The following RAP1GDS1 variants were observed in gnomAD, a reference collection of about 807,000 sequenced individuals.
RAP1GDS1 encodes the protein RAP1, GTP-GDP dissociation stimulator 1.
Under a neutral mutation model 71.1 loss-of-function variants are expected in RAP1GDS1, and 35 were observed. The ratio of observed to expected loss-of-function variants is 0.49; its 90% CI spans 0.38 to 0.65. RAP1GDS1 has a LOEUF of 0.65. Ranked by LOEUF, RAP1GDS1 falls within the 30% of genes least tolerant of loss-of-function variation. The pLI is 0.00. For missense variants in RAP1GDS1, 663 were observed against 706.1 expected, an observed-to-expected ratio of 0.94 and a Z score of 0.69; for synonymous variants, 229 against 243.1, an observed-to-expected ratio of 0.94 and a Z score of 0.54.
chr4:98,436,772 T>C (rs913728320), intron 13 of RAP1GDS1, among the ~76,000 whole-genome samples, 168 bp from the exon 14 acceptor site: 3 of 152,242 alleles, frequency 2.0e-5, no homozygotes, highest in Admixed American at 1.3e-4. Context: ...AATCTAATTC[T>C]ATTTACTCTT....
At chr4:98,427,017 C>G (rs1749713383) in intron 12 of RAP1GDS1, among the ~76,000 whole-genome samples, 1 of 152,136 alleles carries the variant, frequency 6.6e-6, no homozygotes, top group Admixed American at 6.5e-5. Context: ...GAAGATAACT[C>G]ACCATGATCA....
intron 12 of RAP1GDS1, among the ~76,000 whole-genome samples, chr4:98,424,918 G>A (rs1200309493): frequency 1.3e-5 from 2 of 152,186 alleles, no homozygotes; most frequent in African/African-American, 2.4e-5. Flanking sequence ...AAAGATCATT[G>A]CCTAGGCATA....
At chr4:98,369,600 A>C (rs1010174623) in intron 4 of RAP1GDS1, among the ~76,000 whole-genome samples, 20 of 152,250 alleles carry the variant, frequency 1.3e-4, no homozygotes, top group African/African-American at 4.8e-4. Flanking sequence ...AAATAGACAC[A>C]TAAAAGAATA....
intron 1 of RAP1GDS1, among the ~76,000 whole-genome samples, chr4:98,262,785 T>C (rs1722209618): frequency 6.6e-6 from 1 of 152,198 alleles, no homozygotes; most frequent in South Asian, 2.1e-4. Flanking sequence ...CTTCAAGAAG[T>C]ATCTAAACCT....
At chr4:98,388,063 G>A (rs1296521811) in intron 5 of RAP1GDS1, among the ~76,000 whole-genome samples, 1 of 152,120 alleles carries the variant, frequency 6.6e-6, no homozygotes, top group African/African-American at 2.4e-5. Context: ...TAAAAAAGAT[G>A]ATCAAATGAA....
At chr4:98,266,723 A>G (rs2034677) in intron 1 of RAP1GDS1, among the ~76,000 whole-genome samples, 64,211 of 152,018 alleles carry the variant, frequency 0.42, 16,749 homozygotes, top group African/African-American at 0.74. Flanking sequence ...TATGGGAGAA[A>G]GGTTGAATTC....
At chr4:98,421,485 T>C (rs1303772511) in intron 12 of RAP1GDS1, 91 bp downstream of exon 12, 3 of 1,276,802 alleles carry the variant, frequency 2.3e-6, no homozygotes, top group Non-Finnish European at 3.1e-6. Flanking sequence ...GGGATAATAT[T>C]TACCTGAAAG....
At chr4:98,397,224 T>A (rs1314602735) in intron 6 of RAP1GDS1, among the ~76,000 whole-genome samples, 4 of 152,156 alleles carry the variant, frequency 2.6e-5, no homozygotes, top group African/African-American at 9.7e-5. Context: ...GTTTACATAA[T>A]TTTTCATACT....
At chr4:98,429,256 C>CAAAAA (rs1226326098) in intron 12 of RAP1GDS1, among the ~76,000 whole-genome samples, 4 of 68,342 alleles carry the variant, frequency 5.9e-5, no homozygotes, top group Non-Finnish European at 9.7e-5. Flanking sequence ...AGACGTGTCT[C>CAAAAA]AAAAAAAAAA....
At chr4:98,289,779 T>G (rs761324335) in intron 1 of RAP1GDS1, among the ~76,000 whole-genome samples, 3 of 152,122 alleles carry the variant, frequency 2.0e-5, no homozygotes, top group Non-Finnish European at 2.9e-5. Context: ...TGCTATTATT[T>G]CCAGCTGCTA....
intron 4 of RAP1GDS1, among the ~76,000 whole-genome samples, chr4:98,378,567 G>A (rs919297100): frequency 1.3e-5 from 2 of 151,840 alleles, no homozygotes; most frequent in African/African-American, 2.4e-5. Context: ...TTCCCATATG[G>A]TTTTCTTCGA....
intron 2 of RAP1GDS1, among the ~76,000 whole-genome samples, chr4:98,340,611 T>C (rs560263805): frequency 2.6e-5 from 4 of 152,094 alleles, no homozygotes; most frequent in African/African-American, 9.6e-5. Context: ...TAGCTAGGCA[T>C]TGGGGTGCAC....
intron 2 of RAP1GDS1, among the ~76,000 whole-genome samples, chr4:98,296,357 T>C (rs1727751856): frequency 6.6e-6 from 1 of 152,130 alleles, no homozygotes; most frequent in Non-Finnish European, 1.5e-5. Flanking sequence ...GAAATTAGAA[T>C]TTTTACTTTG....
intron 7 of RAP1GDS1, among the ~76,000 whole-genome samples, chr4:98,412,522 A>G (rs1747224830): frequency 6.6e-6 from 1 of 152,186 alleles, no homozygotes; most frequent in East Asian, 1.9e-4. Context: ...CTCTTAAACA[A>G]AAAATCTGTG....
intron 4 of RAP1GDS1, among the ~76,000 whole-genome samples, chr4:98,378,441 T>C (rs1031323391): frequency 1.3e-5 from 2 of 151,894 alleles, no homozygotes; most frequent in Admixed American, 6.6e-5. Context: ...TTCTGGACTA[T>C]AGGAAATGCC....
chr4:98,264,311 A>C (rs1033504300), intron 1 of RAP1GDS1, among the ~76,000 whole-genome samples: 1 of 151,952 alleles, frequency 6.6e-6, no homozygotes, highest in Non-Finnish European at 1.5e-5. Context: ...CAGGAGAATC[A>C]CTTGAACCCG....
intron 4 of RAP1GDS1, among the ~76,000 whole-genome samples, chr4:98,358,266 T>C (rs527589922): frequency 1.3e-5 from 2 of 152,174 alleles, no homozygotes; most frequent in South Asian, 2.1e-4. Flanking sequence ...ACTGGCATTA[T>C]AGTGTACCTA....
intron 1 of RAP1GDS1, among the ~76,000 whole-genome samples, chr4:98,268,502 C>A (rs577466162): frequency 1.3e-5 from 2 of 151,890 alleles, no homozygotes; most frequent in Admixed American, 1.3e-4. Flanking sequence ...AAAAAGCATT[C>A]AAATTGGAGA....
chr4:98,344,777 T>C (rs34489597), intron 3 of RAP1GDS1, among the ~76,000 whole-genome samples: 26,377 of 152,180 alleles, frequency 0.17, 2,426 homozygotes, highest in South Asian at 0.3. Flanking sequence ...CATTACTTTT[T>C]TAAGTGATTG....
Sources: allele counts gnomAD v4.1 joint callset (sites outside exome capture counted in the v4.1 genomes callset), GRCh38; gene constraint gnomAD v4.1.1; transcripts MANE v1.5; gene names NCBI Gene and HGNC (gene_info 2026-07-23, HGNC 2026-07-21).